CSMD1: variants seen among roughly 807,000 people sequenced by gnomAD.
CSMD1 encodes CUB and Sushi multiple domains 1, also known as CUB and sushi domain-containing protein 1.
CSMD1 carries 213 observed loss-of-function variants against 417.5 expected under a neutral mutation model. The observed-to-expected ratio is 0.51, with a 90% confidence interval of 0.46 to 0.57. The LOEUF is 0.57. Among genes scored for constraint, CSMD1 ranks in the 20% least tolerant of loss-of-function variants. CSMD1 has a pLI of 0.00. For missense variants in CSMD1, 6,923 were observed against 4,529.7 expected (o/e 1.53, Z -15.17); for synonymous variants, 2,862 against 1,736.8 (o/e 1.65, Z -16.11).
At chr8:4,367,563 A>G (rs1802152014) in intron 3 of CSMD1, among the ~76,000 whole-genome samples, 1 of 152,152 alleles carries the variant, frequency 6.6e-6, no homozygotes, top group Admixed American at 6.6e-5. Context: ...GCTCCATATA[A>G]ATTTTAGAAT....
chr8:3,825,314 G>T (rs778367667), intron 5 of CSMD1, among the ~76,000 whole-genome samples: 1 of 152,150 alleles, frequency 6.6e-6, no homozygotes, highest in Admixed American at 6.5e-5. Context: ...TGGATCGCTG[G>T]ATGTCAGGAG....
chr8:3,241,375 T>C (rs956829074), intron 26 of CSMD1, among the ~76,000 whole-genome samples: 1 of 151,952 alleles, frequency 6.6e-6, no homozygotes, highest in Admixed American at 6.6e-5. Context: ...AGCCTCCATA[T>C]TGATTAAGAA....
At chr8:3,783,760 A>G (rs1190294142) in intron 5 of CSMD1, among the ~76,000 whole-genome samples, 1 of 152,168 alleles carries the variant, frequency 6.6e-6, no homozygotes, top group African/African-American at 2.4e-5. Context: ...CCCTTTGCAT[A>G]TAAGGGGAAA....
intron 10 of CSMD1, among the ~76,000 whole-genome samples, chr8:3,560,165 G>T (rs1799408695): frequency 6.6e-6 from 1 of 152,122 alleles, no homozygotes; most frequent in Non-Finnish European, 1.5e-5. Flanking sequence ...ATCTCTGTAA[G>T]GCACAGGAAG....
chr8:3,459,589 G>T (rs1189920703), intron 12 of CSMD1, among the ~76,000 whole-genome samples: 1 of 152,122 alleles, frequency 6.6e-6, no homozygotes, highest in African/African-American at 2.4e-5. Context: ...GCCAACAGGG[G>T]AATTCAACCA....
intron 3 of CSMD1, among the ~76,000 whole-genome samples, chr8:4,123,082 C>G (rs144136816): frequency 6.6e-6 from 1 of 152,078 alleles, no homozygotes; most frequent in Non-Finnish European, 1.5e-5. Flanking sequence ...TTTCATAATG[C>G]CAGTGAGATT....
At chr8:3,921,069 T>C (rs769660013) in intron 5 of CSMD1, among the ~76,000 whole-genome samples, 3 of 152,200 alleles carry the variant, frequency 2.0e-5, no homozygotes, top group Non-Finnish European at 2.9e-5. Context: ...AAATGTTCGA[T>C]AAAATTTAGT....
intron 6 of CSMD1, among the ~76,000 whole-genome samples, chr8:3,735,989 A>C (rs1796504152): frequency 6.6e-6 from 1 of 152,184 alleles, no homozygotes; most frequent in Non-Finnish European, 1.5e-5. Context: ...CATGGTTTTC[A>C]GTGGGAATAA....
At chr8:3,638,757 C>A (rs1424372571) in intron 7 of CSMD1, among the ~76,000 whole-genome samples, 1 of 152,096 alleles carries the variant, frequency 6.6e-6, no homozygotes, top group Non-Finnish European at 1.5e-5. Context: ...GACCCACAGA[C>A]CAAACATACC....
intron 51 of CSMD1, 126 bp from the exon 52 acceptor site, chr8:3,018,776 A>G: frequency 1.2e-6 from 1 of 846,960 alleles, no homozygotes; most frequent in Non-Finnish European, 1.8e-6. Flanking sequence ...TTTCACTAAG[A>G]ACATGGTTGA....
At chr8:3,847,423 C>T (rs975094852) in intron 5 of CSMD1, among the ~76,000 whole-genome samples, 4 of 152,088 alleles carry the variant, frequency 2.6e-5, no homozygotes, top group Non-Finnish European at 5.9e-5. Flanking sequence ...GGACAGTTGG[C>T]TGCGAGCAGT....
chr8:3,916,626 T>G lies in CSMD1; in HGVS notation c.818+81277A>C, dbSNP rs113659252. On this transcript the variant is annotated intron_variant, in intron 5 of 69. Coordinates refer to ENST00000635120, the MANE Select transcript of CSMD1 (RefSeq NM_033225.6). ...CTTTAGTAGGCGACTGCAAATGTAC[T>G]TAACATATAGGTACCCTGACAGGCA... Among the ~76,000 whole-genome samples, 258 of 152,288 alleles carry G rather than the reference T, an allele frequency of 1.7e-3. 1 individual carries two copies. Among genetic ancestry groups the G allele is most frequent in the African/African-American group, 5.9e-3 (245 of 41,556 alleles).
chr8:4,055,745 G>T (rs866358865), intron 3 of CSMD1, among the ~76,000 whole-genome samples: 1 of 152,098 alleles, frequency 6.6e-6, no homozygotes, highest in South Asian at 2.1e-4. Flanking sequence ...ATCCACAACA[G>T]AATGACTTGA....
intron 2 of CSMD1, among the ~76,000 whole-genome samples, chr8:4,579,571 C>G (rs1319654232): frequency 6.6e-6 from 1 of 152,006 alleles, no homozygotes; most frequent in Non-Finnish European, 1.5e-5. Flanking sequence ...AGCATGTTAG[C>G]CAGGCTGGTC....
At chr8:3,942,941 A>G (rs140729665) in intron 5 of CSMD1, among the ~76,000 whole-genome samples, 212 of 152,260 alleles carry the variant, frequency 1.4e-3, no homozygotes, top group African/African-American at 4.4e-3. Context: ...TACTGGCACG[A>G]CAACACAGTG....
chr8:4,672,898 CAACA>C (rs1414581986), intron 1 of CSMD1, among the ~76,000 whole-genome samples: 4 of 151,948 alleles, frequency 2.6e-5, no homozygotes, highest in Non-Finnish European at 4.4e-5. Flanking sequence ...AAACATGAGA[CAACA>C]AACACATTCA....
At chr8:4,227,430 G>C (rs910535557) in intron 3 of CSMD1, among the ~76,000 whole-genome samples, 14 of 152,042 alleles carry the variant, frequency 9.2e-5, no homozygotes, top group African/African-American at 3.4e-4. Context: ...AGAACCCTAT[G>C]GTCAAAGCCT....
chr8:3,838,942 A>AC, intron 5 of CSMD1, among the ~76,000 whole-genome samples: 1 of 100,508 alleles, frequency 9.9e-6, no homozygotes, highest in African/African-American at 4.6e-5. Flanking sequence ...ATATATAATA[A>AC]AAAATTAATA....
At chr8:4,572,877 C>G (rs1349939767) in intron 2 of CSMD1, among the ~76,000 whole-genome samples, 1 of 152,252 alleles carries the variant, frequency 6.6e-6, no homozygotes, top group East Asian at 1.9e-4. Context: ...GATCTTCAAT[C>G]GCTGATATCC....
Sources: gnomAD v4.1 joint callset for allele counts (sites outside exome capture counted in the v4.1 genomes callset) on GRCh38, gnomAD v4.1.1 for gene constraint, MANE v1.5 for transcripts, NCBI Gene and HGNC (gene_info 2026-07-23, HGNC 2026-07-21) for gene names.